The following SLFN12 variants were observed in gnomAD, a reference collection of about 807,000 sequenced individuals.
SLFN12 encodes the protein ribonuclease SLFN12.
In SLFN12, 25 loss-of-function variants were observed where a neutral mutation model predicts 29.1. The observed-to-expected ratio is 0.86, with a 90% CI of 0.63 to 1.20. The LOEUF (loss-of-function observed/expected upper bound fraction) is 1.20, where lower values mean the gene tolerates loss of function less well. Among genes scored for constraint, SLFN12 ranks in the 50% most tolerant of loss-of-function variants. The pLI is 0.00. For missense variants in SLFN12, 660 were observed against 666.2 expected (o/e 0.99, Z 0.10); for synonymous variants, 257 against 238.7 (o/e 1.08, Z -0.71).
chr17:35,429,794 A>G (rs1407671475), intron 1 of SLFN12, among the ~76,000 whole-genome samples: 1 of 152,076 alleles, frequency 6.6e-6, no homozygotes, highest in African/African-American at 2.4e-5. Context: ...CCTTCTAGAT[A>G]ATAAACCAGC....
intron 3 of SLFN12, among the ~76,000 whole-genome samples, chr17:35,417,169 G>A (rs755362212): frequency 1.3e-5 from 2 of 152,058 alleles, no homozygotes; most frequent in African/African-American, 2.4e-5. Flanking sequence ...TTAAGTATTA[G>A]CAGCTGAATA....
At position 35,422,904 on chromosome 17, in the gene SLFN12, T is replaced by C; in HGVS notation, c.125A>G (p.Glu42Gly). Reference sequence around the variant, plus strand: ...AGCACACATAGCTCGTGAGACACTTTCATTCTGCTTTTTTCTCAGTTTACA... The same window carrying C: ...AGCACACATAGCTCGTGAGACACTTCCATTCTGCTTTTTTCTCAGTTTACA... ...KDCKLRKKQN[E>G]SVSRAMCALL... Residue 42 changes from glutamate to glycine, a missense_variant, in exon 2 of 4, where the codon GAA (glutamate) becomes GGA (glycine). By Grantham distance (98) the Glu-to-Gly change is moderately conservative. Transcript: ENST00000304905. The C allele has an allele frequency of 6.2e-7, 1 of 1,613,956 alleles. No homozygotes were observed. The highest frequency in any genetic ancestry group is 8.5e-7 in the Non-Finnish European group (1 of 1,179,970).
chr17:35,429,614 A>T (rs1912197617), intron 1 of SLFN12, among the ~76,000 whole-genome samples: 1 of 152,084 alleles, frequency 6.6e-6, no homozygotes, highest in South Asian at 2.1e-4. Context: ...GACAGCATTC[A>T]GATCTCCTTA....
chr17:35,419,047 A>G (rs370219801), intron 3 of SLFN12, among the ~76,000 whole-genome samples: 2 of 151,982 alleles, frequency 1.3e-5, no homozygotes, highest in East Asian at 3.9e-4. Flanking sequence ...TTTGTATTTT[A>G]GTAGAGACAC....
In SLFN12 at chr17:35,422,259, A is replaced by C; in HGVS notation, c.770T>G (p.Leu257Arg). 6.2e-7 allele frequency: 1 copy of C among 1,614,128 alleles called. No individual in the cohort carries two copies. Among genetic ancestry groups the C allele is most frequent in the African/African-American group, 1.3e-5 (1 of 75,078 alleles). The change falls in exon 2 of 4, where the codon CTC becomes CGC. Residue 257 changes from leucine to arginine, a missense_variant. Coordinates refer to ENST00000304905, the MANE Select transcript of SLFN12 (RefSeq NM_018042.5). ...IIGFKAEMSD[L>R]DDLEREIEKS... ...TTCGATTTCTCTTTCTAAGTCATCG[A>C]GGTCACTCATCTCTGCTTTAAAGCC...
intron 3 of SLFN12, among the ~76,000 whole-genome samples, chr17:35,418,674 T>G (rs1911455061): frequency 6.8e-6 from 1 of 147,028 alleles, no homozygotes; most frequent in African/African-American, 2.7e-5. Flanking sequence ...TATACACCGA[T>G]TTTCGACTGC....
At position 35,411,203 on chromosome 17, in the gene SLFN12, T is replaced by C; in HGVS notation, c.*135A>G. On this transcript the variant is annotated 3_prime_UTR_variant, in exon 4 of 4. Coordinates refer to ENST00000304905, the MANE Select transcript of SLFN12 (RefSeq NM_018042.5). Reference sequence around the variant, plus strand: ...AAGATTATTTAGGGAGAAGTGAAAATAGACAAAACCCAATTATCCAACATC... The same window carrying C: ...AAGATTATTTAGGGAGAAGTGAAAACAGACAAAACCCAATTATCCAACATC... The C allele has an allele frequency of 3.2e-6, 2 of 628,482 alleles. No homozygotes were observed. The highest frequency in any genetic ancestry group is 2.4e-5 in the South Asian group (1 of 42,370). 38.9% of individuals were successfully genotyped at this position (628,482 alleles called of 1,614,324 possible). A position where few individuals can be genotyped will look rare whatever the true frequency, so the allele number is the denominator to read the frequency against.
At chr17:35,417,026 G>T (rs1238242154) in intron 3 of SLFN12, among the ~76,000 whole-genome samples, 1 of 152,014 alleles carries the variant, frequency 6.6e-6, no homozygotes, top group Non-Finnish European at 1.5e-5. Flanking sequence ...TTTTTTCAAA[G>T]GATAGGAAAA....
At chr17:35,427,435 T>C (rs2142049150) in intron 1 of SLFN12, among the ~76,000 whole-genome samples, 1 of 152,248 alleles carries the variant, frequency 6.6e-6, no homozygotes, top group Non-Finnish European at 1.5e-5. Flanking sequence ...TTTGCACCCA[T>C]GATGTCCCTT....
rs151066031 is a variant in SLFN12 at position 35,411,485 on chromosome 17, C to A, written c.1590G>T (p.Leu530Phe). ...ESYYFTRRKY[L>F]LKALFKALKR... ...TTAAGGCTTTAAAAAGGGCTTTCAG[C>A]AAGTATTTCCTTCTTGTAAAATAGT... is the stretch of plus-strand genomic sequence containing the variant. The change falls in exon 4 of 4, where the codon TTG becomes TTT. Residue 530 changes from leucine (L) to phenylalanine (F), a missense_variant. Leu to Phe is a conservative substitution (Grantham distance 22). Coordinates refer to ENST00000304905, the MANE Select transcript of SLFN12 (RefSeq NM_018042.5). 4.3e-6 allele frequency: 7 copies of A among 1,613,884 alleles called. No homozygotes were observed. Among genetic ancestry groups the A allele is most frequent in the African/African-American group, 4.0e-5 (3 of 74,904 alleles).
intron 3 of SLFN12, among the ~76,000 whole-genome samples, chr17:35,413,755 A>G (rs941214987): frequency 6.6e-6 from 1 of 151,792 alleles, no homozygotes; most frequent in East Asian, 1.9e-4. Flanking sequence ...GTCTCAAAAA[A>G]AAAAAAAAAG....
At chr17:35,425,328 C>T (rs947914696) in intron 1 of SLFN12, among the ~76,000 whole-genome samples, 5 of 152,088 alleles carry the variant, frequency 3.3e-5, no homozygotes, top group South Asian at 2.1e-4. Context: ...AAGAATACAA[C>T]ATATTGTTAA....
At position 35,422,441 on chromosome 17, in the gene SLFN12, C is replaced by T; in HGVS notation, c.588G>A (p.Leu196=). The T allele has an allele frequency of 6.2e-7, 1 of 1,612,650 alleles. No individual in the cohort carries two copies. The highest frequency in any genetic ancestry group is 8.5e-7 in the Non-Finnish European group (1 of 1,179,694). Reference sequence around the variant, plus strand: ...CAACATGTGTGGATTCAGTAAAGGTCAATTTTTCTTTCCGATCAAGTTCTG... The same window carrying T: ...CAACATGTGTGGATTCAGTAAAGGTTAATTTTTCTTTCCGATCAAGTTCTG... ...DRTELDRKEK[L]TFTESTHVEI... Residue 196 remains leucine (L), a synonymous_variant, in exon 2 of 4, where the codon TTG becomes TTA. Transcript: ENST00000304905.
intron 1 of SLFN12, among the ~76,000 whole-genome samples, chr17:35,427,039 G>A (rs1401424614): frequency 6.6e-6 from 1 of 152,050 alleles, no homozygotes; most frequent in Non-Finnish European, 1.5e-5. Context: ...TCTGAGTTAG[G>A]GGATACAGAA....
At chr17:35,425,283 A>G (rs1254182250) in intron 1 of SLFN12, among the ~76,000 whole-genome samples, 1 of 152,112 alleles carries the variant, frequency 6.6e-6, no homozygotes, top group Non-Finnish European at 1.5e-5. Context: ...GGCAACAGAG[A>G]AAGACCCTGT....
At chr17:35,415,003 G>GA (rs35861720) in intron 3 of SLFN12, among the ~76,000 whole-genome samples, 14,118 of 151,974 alleles carry the variant, frequency 0.093, 999 homozygotes, top group Non-Finnish European at 0.14. Flanking sequence ...CGCAGAACTA[G>GA]AAAAAATAAC....
upstream of SLFN12, chr17:35,432,555 G>C (rs547004922): frequency 1.9e-4 from 29 of 152,268 alleles, no homozygotes; most frequent in African/African-American, 7.0e-4. Context: ...CTGATTGGAC[G>C]CAGAAAGCGA....
chr17:35,431,597 G>A (rs531447021), intron 1 of SLFN12, among the ~76,000 whole-genome samples: 51 of 152,108 alleles, frequency 3.4e-4, no homozygotes, highest in Admixed American at 1.3e-3. Flanking sequence ...ATCTTAGAGC[G>A]TCAGACGTCT....
chr17:35,422,311 C>T lies in SLFN12; in HGVS notation c.718G>A (p.Gly240Ser). The change falls in exon 2 of 4, where the codon GGT (glycine) becomes AGT (serine). Residue 240 changes from glycine (G) to serine (S), a missense_variant. Gly to Ser is a moderately conservative substitution (Grantham distance 56). Coordinates refer to ENST00000304905, the MANE Select transcript of SLFN12 (RefSeq NM_018042.5). ...ANTDGGYLFI[G>S]LNEDKEIIGF... is the part of the protein sequence containing the mutation. ...ATTATTTCTTTATCTTCATTTAAAC[C>T]AATGAACAAATATCCTCCATCAGTA... 6 of 1,613,802 alleles carry T rather than the reference C, an allele frequency of 3.7e-6. No individual in the cohort carries two copies. The highest frequency in any genetic ancestry group is 5.1e-6 in the Non-Finnish European group (6 of 1,179,848).
Sources: gnomAD v4.1 joint callset for allele counts (sites outside exome capture counted in the v4.1 genomes callset) on GRCh38, gnomAD v4.1.1 for gene constraint, MANE v1.5 for transcripts, NCBI Gene and HGNC (gene_info 2026-07-23, HGNC 2026-07-21) for gene names.